The following VAX1 variants were observed in gnomAD, a reference collection of about 807,000 sequenced individuals.
The protein encoded by VAX1 is ventral anterior homeobox 1.
Under a neutral mutation model 17.6 loss-of-function variants are expected in VAX1, and 6 were observed. That is an observed-to-expected ratio of 0.34 (90% CI 0.19 to 0.67). The LOEUF is 0.67. VAX1 is among the 30% of genes least tolerant of loss of function. The pLI is 0.69. For synonymous variants in VAX1, 256 were observed against 227.4 expected (o/e 1.13, Z -1.13); for missense variants, 408 against 463.7 (o/e 0.88, Z 1.10).
In VAX1 at chr10:117,134,087, C is replaced by G; in HGVS notation, c.926G>C (p.Arg309Pro). The G allele has an allele frequency of 1.3e-6, 2 of 1,536,688 alleles. No homozygotes were observed. The highest frequency in any genetic ancestry group is 1.8e-6 in the Non-Finnish European group (2 of 1,140,684). The change falls in exon 3 of 3, where the codon CGA becomes CCA. Residue 309 changes from arginine to proline, a missense_variant. This residue lies in a region of VAX1 where 196 missense variants were observed against 218.7 expected (regional missense o/e 0.90). Coordinates refer to ENST00000369206, the MANE Select transcript of VAX1 (RefSeq NM_001112704.2). The surrounding 1 kb of genome is among the most constrained non-coding windows in gnomAD (Gnocchi z 6.2). The part of the protein sequence containing the change: ...LAGNLQELSA[R>P]YLSSSAFEPY... Reference sequence around the variant, plus strand: ...CTCGAAGGCCGAGGAGCTCAGATATCGGGCGGAGAGTTCTTGCAAATTCCC... The same window carrying G: ...CTCGAAGGCCGAGGAGCTCAGATATGGGGCGGAGAGTTCTTGCAAATTCCC...
Position 117,133,399 on chromosome 10 carries a change from G to A in VAX1, c.*609C>T. On this transcript the variant is annotated 3_prime_UTR_variant, in exon 3 of 3. Transcript: ENST00000369206. ...CTGGGGTCGGGGGTGGTTGTGATTGGAGTTGCCCTAAAGGGGAGAAAAACC... is the reference window on the plus strand; with the variant it reads ...CTGGGGTCGGGGGTGGTTGTGATTGAAGTTGCCCTAAAGGGGAGAAAAACC... The A allele has an allele frequency of 1.0e-6, 1 of 985,580 alleles. No homozygotes were observed. The highest frequency in any genetic ancestry group is 1.2e-6 in the Non-Finnish European group (1 of 830,120). 61.1% of individuals were successfully genotyped at this position (985,580 alleles called of 1,614,324 possible). A position where few individuals can be genotyped will look rare whatever the true frequency, so the allele number is the denominator to read the frequency against.
chr10:117,132,476 G>A, downstream of VAX1: 1 of 1,602,704 alleles, frequency 6.2e-7, no homozygotes, highest in Non-Finnish European at 8.5e-7. This position sits in a 1 kb window ranked among gnomAD's most constrained non-coding sequence, Gnocchi z 4.9. Context: ...TTCACTATTT[G>A]CCTAGAAAAA....
At chr10:117,132,409 A>G, downstream of VAX1, 8 of 1,612,596 alleles carry the variant, frequency 5.0e-6, no homozygotes, top group Non-Finnish European at 6.8e-6. This position sits in a 1 kb window ranked among gnomAD's most constrained non-coding sequence, Gnocchi z 4.9. Flanking sequence ...ATTCAGAACA[A>G]AGTTAGTAGC....
chr10:117,133,007 C>G (rs528162090), downstream of VAX1, among the ~76,000 whole-genome samples: 1 of 152,280 alleles, frequency 6.6e-6, no homozygotes, highest in African/African-American at 2.4e-5. Context: ...TAGGGTGAAG[C>G]GCCGGCTGCG....
At position 117,133,677 on chromosome 10, in the gene VAX1, GA is replaced by G; in HGVS notation, c.*330del. On this transcript the variant is annotated 3_prime_UTR_variant, in exon 3 of 3. Transcript: ENST00000369206. ...TCTAGAGCAAACGTCCTGTGCTTTG[GA>G]GTTAGAACCAGTCTTTTCCCTCCTG... is the stretch of plus-strand genomic sequence containing the variant. The G allele has an allele frequency of 9.5e-7, 1 of 1,054,254 alleles. No individual in the cohort carries two copies. Among genetic ancestry groups the G allele is most frequent in the South Asian group, 3.7e-5 (1 of 26,746 alleles). 65.3% of individuals were successfully genotyped at this position (1,054,254 alleles called of 1,614,324 possible). A position where few individuals can be genotyped will look rare whatever the true frequency, so the allele number is the denominator to read the frequency against.
Position 117,136,389 on chromosome 10 carries a change from G to A in VAX1, c.429+83C>T. 1 of 1,552,446 alleles carries A rather than the reference G, an allele frequency of 6.4e-7. No homozygotes were observed. Among genetic ancestry groups the A allele is most frequent in the Non-Finnish European group, 8.8e-7 (1 of 1,139,246 alleles). ...CCAAGGGTAGTTCTGTCCAGAGCAG[G>A]TTAGGAGGTGAAGAGCAGGCTAGGT... On this transcript the variant is annotated intron_variant, in intron 2 of 2. Coordinates refer to ENST00000369206, the MANE Select transcript of VAX1 (RefSeq NM_001112704.2). This position sits in a 1 kb window ranked among gnomAD's most constrained non-coding sequence, Gnocchi z 5.0.
In VAX1 at chr10:117,138,012, G is replaced by A. The variant is rs1263724210; in HGVS notation, c.45C>T (p.Asp15=). 1.3e-6 allele frequency: 2 copies of A among 1,599,508 alleles called. No individual in the cohort carries two copies. Among genetic ancestry groups the A allele is most frequent in the African/African-American group, 2.7e-5 (2 of 73,808 alleles). ...TCTTCGAGACCCGGGCAGCCTCGGC[G>A]TCCGAGTGGCATCGAACGTCCATTT... ...PDKMDVRCHS[D]AEAARVSKNA... is the part of the protein sequence containing the mutation. The change falls in exon 1 of 3, where the codon GAC becomes GAT. Residue 15 remains aspartate, a synonymous_variant. Transcript: ENST00000369206.
chr10:117,138,215 A>C lies in VAX1; in HGVS notation c.-159T>G. The C allele has an allele frequency of 1.2e-4, 107 of 863,644 alleles. No individual in the cohort carries two copies. The highest frequency in any genetic ancestry group is 1.5e-4 in the Non-Finnish European group (84 of 574,036). The allele number at this position is 863,644 out of a possible 1,614,324, so 53.5% of individuals were successfully genotyped here. A position where few individuals can be genotyped will look rare whatever the true frequency, so the allele number is the denominator to read the frequency against. ...GGCGACAGGCAAGGGGCAAGAATGA[A>C]TGTCCCCGCGGGGAGGCTTCGGCGG... is the stretch of plus-strand genomic sequence containing the variant. On this transcript the variant is annotated 5_prime_UTR_variant, in exon 1 of 3. Transcript: ENST00000369206.
Position 117,136,421 on chromosome 10 carries a change from G to A in VAX1, c.429+51C>T. The A allele has an allele frequency of 1.2e-6, 2 of 1,604,326 alleles. No homozygotes were observed. The highest frequency in any genetic ancestry group is 1.7e-6 in the Non-Finnish European group (2 of 1,175,880). ...GGTGAAGAGCAGGCTAGGTAGGGGT[G>A]GTGGGGAGGAAGGCTGGTGCAGAAC... On this transcript the variant is annotated intron_variant, in intron 2 of 2. Coordinates refer to ENST00000369206, the MANE Select transcript of VAX1 (RefSeq NM_001112704.2). The surrounding 1 kb of genome is among the most constrained non-coding windows in gnomAD (Gnocchi z 5.0).
chr10:117,132,608 C>T, downstream of VAX1: 2 of 1,056,098 alleles, frequency 1.9e-6, no homozygotes, highest in Non-Finnish European at 2.7e-6. The surrounding 1 kb of genome is among the most constrained non-coding windows in gnomAD (Gnocchi z 4.9). Context: ...CACTGCGGCA[C>T]CTCGCAGTCT....
rs1397029743 is a variant in VAX1, at chr10:117,138,236, G to T, written c.-180C>A. On this transcript the variant is annotated 5_prime_UTR_variant, in exon 1 of 3. Transcript: ENST00000369206. ...ATGAATGTCCCCGCGGGGAGGCTTC[G>T]GCGGCCGCGCGCGGGTCAGCGGCGA... 1.0e-5 allele frequency: 8 copies of T among 777,620 alleles called. No homozygotes were observed. The highest frequency in any genetic ancestry group is 1.4e-5 in the Non-Finnish European group (7 of 498,146). 48.2% of individuals were successfully genotyped at this position (777,620 alleles called of 1,614,324 possible). A position where few individuals can be genotyped will look rare whatever the true frequency, so the allele number is the denominator to read the frequency against.
chr10:117,136,740 G>A lies in VAX1; in HGVS notation c.242-81C>T. The A allele has an allele frequency of 1.3e-6, 2 of 1,497,114 alleles. No individual in the cohort carries two copies. Among genetic ancestry groups the A allele is most frequent in the South Asian group, 1.3e-5 (1 of 74,686 alleles). 92.7% of individuals were successfully genotyped at this position (1,497,114 alleles called of 1,614,324 possible). A position where few individuals can be genotyped will look rare whatever the true frequency, so the allele number is the denominator to read the frequency against. On this transcript the variant is annotated intron_variant, in intron 1 of 2. Coordinates refer to ENST00000369206, the MANE Select transcript of VAX1 (RefSeq NM_001112704.2). This position sits in a 1 kb window ranked among gnomAD's most constrained non-coding sequence, Gnocchi z 5.0. ...GGCCCGAGCTGGATTTGGGGACACAGTCCCCAGAAGCGTGCAGTTTTGGGG... is the reference window on the plus strand; with the variant it reads ...GGCCCGAGCTGGATTTGGGGACACAATCCCCAGAAGCGTGCAGTTTTGGGG...
In VAX1 at chr10:117,133,728, A is replaced by T; in HGVS notation, c.*280T>A. 8.5e-7 allele frequency: 1 copy of T among 1,171,646 alleles called. No homozygotes were observed. Among genetic ancestry groups the T allele is most frequent in the Non-Finnish European group, 1.1e-6 (1 of 950,502 alleles). 72.6% of individuals were successfully genotyped at this position (1,171,646 alleles called of 1,614,324 possible). On this transcript the variant is annotated 3_prime_UTR_variant, in exon 3 of 3. Transcript: ENST00000369206. ...GGGCTGGGCACGGGGTCAGGGCATCAGGTTGACTAACTCGGGCATTTTTCC... is the reference window on the plus strand; with the variant it reads ...GGGCTGGGCACGGGGTCAGGGCATCTGGTTGACTAACTCGGGCATTTTTCC...
At chr10:117,132,404 G>C (rs117215483), downstream of VAX1, 14,348 of 1,611,014 alleles carry the variant, frequency 8.9e-3, 95 homozygotes, top group Non-Finnish European at 0.011. This position sits in a 1 kb window ranked among gnomAD's most constrained non-coding sequence, Gnocchi z 4.9. Context: ...AAAACATTCA[G>C]AACAAAGTTA....
In VAX1 at chr10:117,134,313, G is replaced by GGGC. The variant is rs960718655; in HGVS notation, c.697_699dup (p.Ala233dup). 98 of 1,071,408 alleles carry GGGC rather than the reference G, an allele frequency of 9.1e-5. No individual in the cohort carries two copies. Among genetic ancestry groups the GGGC allele is most frequent in the Non-Finnish European group, 1.0e-4 (91 of 887,644 alleles). 66.4% of individuals were successfully genotyped at this position (1,071,408 alleles called of 1,614,324 possible). A position where few individuals can be genotyped will look rare whatever the true frequency, so the allele number is the denominator to read the frequency against. ...GGGGATGCAGCGCCCGCTGGGCCCG[G>GGGC]GGCGGCGGCGGCGGCTGCGGCGGCC... is the stretch of plus-strand genomic sequence containing the variant. On this transcript the variant is annotated inframe_insertion, in exon 3 of 3. Coordinates refer to ENST00000369206, the MANE Select transcript of VAX1 (RefSeq NM_001112704.2). The surrounding 1 kb of genome is among the most constrained non-coding windows in gnomAD (Gnocchi z 6.2).
rs1299883228 is a variant in VAX1, at chr10:117,137,125, G to A, written c.242-466C>T. Among the ~76,000 whole-genome samples the A allele has an allele frequency of 2.0e-5, 3 of 151,686 alleles. No homozygotes were observed. Among genetic ancestry groups the A allele is most frequent in the East Asian group, 2.0e-4 (1 of 5,076 alleles). On this transcript the variant is annotated intron_variant, in intron 1 of 2. Transcript: ENST00000369206. The surrounding 1 kb of genome is among the most constrained non-coding windows in gnomAD (Gnocchi z 7.4). ...GGAGTCCGCGCGGCGGAAGGAGGAG[G>A]GACTGAGTCGGGGCCGGCCGGGCCC...
At position 117,133,488 on chromosome 10, in the gene VAX1, G is replaced by A; in HGVS notation, c.*520C>T. ...CTATCCCGAGAGGTCCGCAAAGCGG[G>A]GCCCAGGGGCTCCCACAAGCCCTGG... On this transcript the variant is annotated 3_prime_UTR_variant, in exon 3 of 3. Coordinates refer to ENST00000369206, the MANE Select transcript of VAX1 (RefSeq NM_001112704.2). The A allele has an allele frequency of 1.0e-6, 1 of 985,602 alleles. No homozygotes were observed. Among genetic ancestry groups the A allele is most frequent in the Non-Finnish European group, 1.2e-6 (1 of 830,044 alleles). 61.1% of individuals were successfully genotyped at this position (985,602 alleles called of 1,614,324 possible).
chr10:117,132,603 C>A (rs1457220238), downstream of VAX1: 3 of 1,098,148 alleles, frequency 2.7e-6, no homozygotes, highest in East Asian at 5.1e-5. This position sits in a 1 kb window ranked among gnomAD's most constrained non-coding sequence, Gnocchi z 4.9. Flanking sequence ...CTAGACACTG[C>A]GGCACCTCGC....
downstream of VAX1, chr10:117,130,628 A>AG (rs1373352668): frequency 2.6e-5 from 4 of 152,248 alleles, no homozygotes; most frequent in Non-Finnish European, 4.4e-5. Context: ...AGAAGCCTCC[A>AG]GGGACCAAGG....
Sources: allele counts gnomAD v4.1 joint callset (sites outside exome capture counted in the v4.1 genomes callset), GRCh38; gene constraint gnomAD v4.1.1; regional missense constraint gnomAD v4.1.1; non-coding constraint Gnocchi (gnomAD v3.1); transcripts MANE v1.5; gene names NCBI Gene and HGNC (gene_info 2026-07-23, HGNC 2026-07-21).